Variants in OPCML observed in about 807,000 individuals in gnomAD.
OPCML encodes the protein opioid binding protein/cell adhesion molecule like, also known as opioid-binding protein/cell adhesion molecule.
Under a neutral mutation model 37.8 loss-of-function variants are expected in OPCML, and 13 were observed. That is an observed-to-expected ratio of 0.34 (90% CI 0.22 to 0.55). OPCML has a LOEUF of 0.55. Among genes scored for constraint, OPCML ranks in the 20% least tolerant of loss-of-function variants. The pLI is 0.91. For synonymous variants in OPCML, 176 were observed against 168.8 expected, an observed-to-expected ratio of 1.04 and a Z score of -0.33; for missense variants, 341 against 435.6, an observed-to-expected ratio of 0.78 and a Z score of 1.93.
At chr11:133,393,788 T>G (rs1029618649) in intron 1 of OPCML, among the ~76,000 whole-genome samples, 9 of 152,360 alleles carry the variant, frequency 5.9e-5, no homozygotes, top group African/African-American at 1.9e-4. Context: ...CAACCCAGGT[T>G]CTAGAAGATT....
intron 2 of OPCML, among the ~76,000 whole-genome samples, chr11:132,742,265 G>A (rs995679176): frequency 6.6e-6 from 1 of 152,174 alleles, no homozygotes. Context: ...AAATTCATAT[G>A]TTGAAACCCT....
intron 2 of OPCML, among the ~76,000 whole-genome samples, chr11:132,698,870 T>C (rs975891751): frequency 1.3e-5 from 2 of 152,170 alleles, no homozygotes; most frequent in Non-Finnish European, 2.9e-5. Flanking sequence ...CAATAAATTT[T>C]AGAATTGTTC....
At chr11:133,247,533 TCC>T (rs774253024) in intron 1 of OPCML, among the ~76,000 whole-genome samples, 19 of 146,206 alleles carry the variant, frequency 1.3e-4, no homozygotes, top group African/African-American at 4.5e-4. Context: ...TTTCTTTCTT[TCC>T]TTCTTTTTCT....
At chr11:133,312,953 C>A (rs917362141) in intron 1 of OPCML, among the ~76,000 whole-genome samples, 4 of 151,966 alleles carry the variant, frequency 2.6e-5, no homozygotes, top group Non-Finnish European at 5.9e-5. Flanking sequence ...CATAAGTGTC[C>A]CAAAGACAAG....
chr11:133,391,912 T>G (rs1304137552), intron 1 of OPCML, among the ~76,000 whole-genome samples: 4 of 152,104 alleles, frequency 2.6e-5, no homozygotes, highest in African/African-American at 4.8e-5. Context: ...CAAAATTCAG[T>G]AATTTGCCCA....
At chr11:132,905,225 CTTT>C (rs373679886) in intron 2 of OPCML, among the ~76,000 whole-genome samples, 3 of 88,388 alleles carry the variant, frequency 3.4e-5, no homozygotes, top group African/African-American at 4.6e-5. Context: ...GAAAGCAGTT[CTTT>C]TTTTTTTTTT....
intron 3 of OPCML, among the ~76,000 whole-genome samples, chr11:132,608,806 A>G (rs779937126): frequency 2.0e-5 from 3 of 152,148 alleles, no homozygotes; most frequent in Non-Finnish European, 4.4e-5. Flanking sequence ...AATGCACGCA[A>G]TTACTCCAGG....
At chr11:132,446,956 C>T (rs928620130) in intron 4 of OPCML, among the ~76,000 whole-genome samples, 1 of 152,138 alleles carries the variant, frequency 6.6e-6, no homozygotes, top group Non-Finnish European at 1.5e-5. Context: ...GTCTTGTGCC[C>T]TGGCGTGGTC....
chr11:133,262,790 C>A (rs143707454), intron 1 of OPCML, among the ~76,000 whole-genome samples: 1 of 151,874 alleles, frequency 6.6e-6, no homozygotes, highest in Admixed American at 6.6e-5. Context: ...GGGCAGCTGA[C>A]GGTGGAGTCC....
intron 4 of OPCML, among the ~76,000 whole-genome samples, chr11:132,465,129 T>C (rs539564923): frequency 1.4e-4 from 21 of 152,282 alleles, no homozygotes; most frequent in Non-Finnish European, 2.6e-4. Context: ...ATTTAAATGC[T>C]CCCCCTTGTG....
At chr11:133,152,460 G>C (rs758367642) in intron 1 of OPCML, among the ~76,000 whole-genome samples, 3 of 151,956 alleles carry the variant, frequency 2.0e-5, no homozygotes, top group African/African-American at 7.3e-5. Flanking sequence ...CATCCACATC[G>C]ACCGGGAAGA....
chr11:133,328,314 T>C (rs911358253), intron 1 of OPCML, among the ~76,000 whole-genome samples: 7 of 152,082 alleles, frequency 4.6e-5, no homozygotes, highest in African/African-American at 1.7e-4. Flanking sequence ...CCTGCCATCA[T>C]GCCCAGCTGA....
intron 1 of OPCML, among the ~76,000 whole-genome samples, chr11:133,102,738 A>T (rs2137075078): frequency 6.6e-6 from 1 of 152,282 alleles, no homozygotes; most frequent in Middle Eastern, 3.4e-3. Flanking sequence ...TGATAGAGCA[A>T]GACTCCATCT....
intron 1 of OPCML, among the ~76,000 whole-genome samples, chr11:133,188,351 T>C (rs1325799109): frequency 1.3e-5 from 2 of 152,332 alleles, no homozygotes; most frequent in East Asian, 3.9e-4. Context: ...CACTGTTCAA[T>C]ATAAATTCAT....
rs952140468 is a variant in OPCML at position 133,173,360 on chromosome 11, C to T, written c.62-230350G>A. Reference sequence around the variant, plus strand: ...CCCAACATTCTTGGAGTCTGAGACTCATAGAGAGGGTATCGATAGGAGTAC... The same window carrying T: ...CCCAACATTCTTGGAGTCTGAGACTTATAGAGAGGGTATCGATAGGAGTAC... On this transcript the variant is annotated intron_variant, in intron 1 of 7. Transcript: ENST00000524381. This position sits in a 1 kb window ranked among gnomAD's most constrained non-coding sequence, Gnocchi z 7.8. 4.6e-5 allele frequency among the ~76,000 whole-genome samples: 7 copies of T among 152,146 alleles called. No individual in the cohort carries two copies. Among genetic ancestry groups the T allele is most frequent in the Non-Finnish European group, 8.8e-5 (6 of 68,036 alleles).
At chr11:133,487,160 T>A (rs1050134258) in intron 1 of OPCML, among the ~76,000 whole-genome samples, 16 of 152,082 alleles carry the variant, frequency 1.1e-4, no homozygotes, top group African/African-American at 3.6e-4. Flanking sequence ...ATCAAATCAT[T>A]CTCTTATACT....
chr11:132,597,383 G>A (rs1024910623), intron 3 of OPCML, among the ~76,000 whole-genome samples: 1 of 152,156 alleles, frequency 6.6e-6, no homozygotes, highest in African/African-American at 2.4e-5. Flanking sequence ...GTCTCTAAAG[G>A]CTTTTAACAT....
At chr11:133,448,226 G>C (rs944446650) in intron 1 of OPCML, among the ~76,000 whole-genome samples, 2 of 152,144 alleles carry the variant, frequency 1.3e-5, no homozygotes, top group Non-Finnish European at 2.9e-5. Context: ...ATATAAGACA[G>C]TGGTCAAAAT....
At chr11:132,877,299 A>C (rs1042436672) in intron 2 of OPCML, among the ~76,000 whole-genome samples, 1 of 150,904 alleles carries the variant, frequency 6.6e-6, no homozygotes, top group South Asian at 2.1e-4. Context: ...CCCCCCACCC[A>C]AAAAAAGATG....
Sources: allele counts gnomAD v4.1 joint callset (sites outside exome capture counted in the v4.1 genomes callset), GRCh38; gene constraint gnomAD v4.1.1; non-coding constraint Gnocchi (gnomAD v3.1); transcripts MANE v1.5; gene names NCBI Gene and HGNC (gene_info 2026-07-23, HGNC 2026-07-21).